The following NAB1 variants were observed in gnomAD, a reference collection of about 807,000 sequenced individuals.
The protein encoded by NAB1 is NGFI-A binding protein 1, also known as NGFI-A-binding protein 1.
NAB1 carries 25 observed loss-of-function variants against 49.9 expected under a neutral mutation model. The observed-to-expected ratio is 0.50, with a 90% CI of 0.37 to 0.70. The LOEUF is 0.70. Among genes scored for constraint, NAB1 ranks in the 30% least tolerant of loss-of-function variants. The pLI is 0.00. For synonymous variants in NAB1, 198 were observed against 215.6 expected, an observed-to-expected ratio of 0.92 and a Z score of 0.71; for missense variants, 489 against 575.9, an observed-to-expected ratio of 0.85 and a Z score of 1.54.
At chr2:190,658,282 G>A (rs1048050879) in intron 3 of NAB1, among the ~76,000 whole-genome samples, 1 of 152,100 alleles carries the variant, frequency 6.6e-6, no homozygotes, top group Non-Finnish European at 1.5e-5. Flanking sequence ...TGCATGCAGG[G>A]CCATTCTACA....
chr2:190,690,175 TA>T, intron 9 of NAB1, 69 bp from the exon 10 acceptor site: 1 of 1,118,566 alleles, frequency 8.9e-7, no homozygotes. Context: ...GGGTTTGTTT[TA>T]AAACTTTGTT....
At chr2:190,653,959 A>G (rs1319793642) in intron 2 of NAB1, among the ~76,000 whole-genome samples, 1 of 152,222 alleles carries the variant, frequency 6.6e-6, no homozygotes, top group Non-Finnish European at 1.5e-5. Context: ...TAGGTAAAGT[A>G]ACAGGATGCC....
At chr2:190,655,570 G>A (rs771804579) in intron 2 of NAB1, among the ~76,000 whole-genome samples, 4 of 152,216 alleles carry the variant, frequency 2.6e-5, no homozygotes, top group Non-Finnish European at 5.9e-5. Flanking sequence ...ATTAATGAGA[G>A]AGAGGCCCAG....
rs1694957880 is a variant in NAB1, at chr2:190,674,140, A to G, written c.1005+988A>G. Among the ~76,000 whole-genome samples the G allele has an allele frequency of 6.6e-6, 1 of 152,104 alleles. No individual in the cohort carries two copies. The highest frequency in any genetic ancestry group is 6.6e-5 in the Admixed American group (1 of 15,260). ...AAAACATAAATCCCTTTCTTGCTTA[A>G]CTCCTTTCAGTGGCTTTCTACTGTA... On this transcript the variant is annotated intron_variant, in intron 6 of 9. Transcript: ENST00000337386. The surrounding 1 kb of genome is among the most constrained non-coding windows in gnomAD (Gnocchi z 5.7).
rs1465709682 is a variant in NAB1, at chr2:190,679,167, G to A, written c.1006-4571G>A. Among the ~76,000 whole-genome samples, 1 of 152,228 alleles carries A rather than the reference G, an allele frequency of 6.6e-6. No individual in the cohort carries two copies. The highest frequency in any genetic ancestry group is 2.4e-5 in the African/African-American group (1 of 41,446). On this transcript the variant is annotated intron_variant, in intron 6 of 9. Transcript: ENST00000337386. The surrounding 1 kb of genome is among the most constrained non-coding windows in gnomAD (Gnocchi z 5.3). Reference sequence around the variant, plus strand: ...GCTGGTGCCTGGGAAACAAGCTTACGAGACATAACGAAATTGTGCACCACA... The same window carrying A: ...GCTGGTGCCTGGGAAACAAGCTTACAAGACATAACGAAATTGTGCACCACA...
Position 190,669,634 on chromosome 2 carries a change from T to G in NAB1, c.820-692T>G, listed in dbSNP as rs1002521282. ...TTTCCTATATCTATTGACAAAATTA[T>G]GTGAAAAAATTTCTAGTTTGTTAAA... On this transcript the variant is annotated intron_variant, in intron 4 of 9. Coordinates refer to ENST00000337386, the MANE Select transcript of NAB1 (RefSeq NM_005966.4). The surrounding 1 kb of genome is among the most constrained non-coding windows in gnomAD (Gnocchi z 4.3). Among the ~76,000 whole-genome samples the G allele has an allele frequency of 1.3e-5, 2 of 152,216 alleles. No homozygotes were observed. The highest frequency in any genetic ancestry group is 6.5e-5 in the Admixed American group (1 of 15,276).
At position 190,675,856 on chromosome 2, in the gene NAB1, C is replaced by T. The variant is rs1360998166; in HGVS notation, c.1005+2704C>T. Reference sequence around the variant, plus strand: ...TTGCAGGTCATCAGTATCTCTTGAACGTGTGTGTGTCTTGTGTGTATGTAT... The same window carrying T: ...TTGCAGGTCATCAGTATCTCTTGAATGTGTGTGTGTCTTGTGTGTATGTAT... On this transcript the variant is annotated intron_variant, in intron 6 of 9. Transcript: ENST00000337386. This position sits in a 1 kb window ranked among gnomAD's most constrained non-coding sequence, Gnocchi z 5.2. 6.6e-6 allele frequency among the ~76,000 whole-genome samples: 1 copy of T among 152,062 alleles called. No homozygotes were observed. The highest frequency in any genetic ancestry group is 1.5e-5 in the Non-Finnish European group (1 of 68,010).
rs766935466 is a variant in NAB1, at chr2:190,680,147, G to C, written c.1006-3591G>C. Among the ~76,000 whole-genome samples the C allele has an allele frequency of 6.6e-6, 1 of 152,114 alleles. No homozygotes were observed. The highest frequency in any genetic ancestry group is 1.9e-4 in the East Asian group (1 of 5,182). ...TCACCACCCTGAACTCCCCTCCTCC[G>C]CGTACATTCTCCCCATCACATTCAC... On this transcript the variant is annotated intron_variant, in intron 6 of 9. Transcript: ENST00000337386. The surrounding 1 kb of genome is among the most constrained non-coding windows in gnomAD (Gnocchi z 5.2).
rs971380440 is a variant in NAB1 at position 190,667,656 on chromosome 2, C to G, written c.820-2670C>G. On this transcript the variant is annotated intron_variant, in intron 4 of 9. Coordinates refer to ENST00000337386, the MANE Select transcript of NAB1 (RefSeq NM_005966.4). This position sits in a 1 kb window ranked among gnomAD's most constrained non-coding sequence, Gnocchi z 4.4. Reference sequence around the variant, plus strand: ...GACCTGGGTTTATTATTATAACTTGCTGTCAGTGGCCAAATTAATTGTCTC... The same window carrying G: ...GACCTGGGTTTATTATTATAACTTGGTGTCAGTGGCCAAATTAATTGTCTC... 6.6e-6 allele frequency among the ~76,000 whole-genome samples: 1 copy of G among 152,056 alleles called. No individual in the cohort carries two copies. The highest frequency in any genetic ancestry group is 2.4e-5 in the African/African-American group (1 of 41,406).
chr2:190,687,115 TA>T, intron 8 of NAB1, 85 bp from the exon 9 acceptor site: 1 of 673,826 alleles, frequency 1.5e-6, no homozygotes, highest in Non-Finnish European at 2.3e-6. Flanking sequence ...ACTTTTTTCC[TA>T]AGGAGTGTTC....
rs1694760589 is a variant in NAB1, at chr2:190,670,719, A to G, written c.953+260A>G. Reference sequence around the variant, plus strand: ...TAGTGGTTTTAAACATTCTTCTCTCATACACACACTTTGGTTTTGAGTGTG... The same window carrying G: ...TAGTGGTTTTAAACATTCTTCTCTCGTACACACACTTTGGTTTTGAGTGTG... On this transcript the variant is annotated intron_variant, in intron 5 of 9. Transcript: ENST00000337386. The surrounding 1 kb of genome is among the most constrained non-coding windows in gnomAD (Gnocchi z 5.3). Among the ~76,000 whole-genome samples the G allele has an allele frequency of 6.6e-6, 1 of 152,206 alleles. No homozygotes were observed. The highest frequency in any genetic ancestry group is 1.5e-5 in the Non-Finnish European group (1 of 68,032).
intron 3 of NAB1, 97 bp downstream of exon 3, chr2:190,656,250 G>C (rs956418139): frequency 6.6e-6 from 1 of 152,234 alleles, no homozygotes; most frequent in African/African-American, 2.4e-5. Flanking sequence ...AGATTGGAGA[G>C]AGGCAGGTAG....
intron 2 of NAB1, among the ~76,000 whole-genome samples, chr2:190,655,582 G>GT (rs1258566305): frequency 6.6e-6 from 1 of 152,222 alleles, no homozygotes; most frequent in African/African-American, 2.4e-5. Flanking sequence ...GAGGCCCAGA[G>GT]TTTTGATAGA....
Position 190,686,096 on chromosome 2 carries a change from C to A in NAB1, c.1258+458C>A, listed in dbSNP as rs1393604647. 6.6e-6 allele frequency among the ~76,000 whole-genome samples: 1 copy of A among 152,208 alleles called. No individual in the cohort carries two copies. Among genetic ancestry groups the A allele is most frequent in the African/African-American group, 2.4e-5 (1 of 41,462 alleles). On this transcript the variant is annotated intron_variant, in intron 8 of 9. Transcript: ENST00000337386. The surrounding 1 kb of genome is among the most constrained non-coding windows in gnomAD (Gnocchi z 5.5). ...AGAGTACAGCTCAGGTTTAGAAAGC[C>A]ATGTGATTCGTGAGTGTTTTTACCA...
rs1695305916 is a variant in NAB1 at position 190,680,862 on chromosome 2, C to T, written c.1006-2876C>T. ...ACAGATATCAGTAACAAACATTTAT[C>T]AAGTAATTCCTATGGGCCAGGCACT... On this transcript the variant is annotated intron_variant, in intron 6 of 9. Coordinates refer to ENST00000337386, the MANE Select transcript of NAB1 (RefSeq NM_005966.4). The surrounding 1 kb of genome is among the most constrained non-coding windows in gnomAD (Gnocchi z 5.2). Among the ~76,000 whole-genome samples the T allele has an allele frequency of 6.6e-6, 1 of 152,176 alleles. No homozygotes were observed. Among genetic ancestry groups the T allele is most frequent in the Non-Finnish European group, 1.5e-5 (1 of 68,032 alleles).
chr2:190,671,549 T>A (rs1477717883), intron 5 of NAB1, among the ~76,000 whole-genome samples: 1 of 152,158 alleles, frequency 6.6e-6, no homozygotes, highest in Non-Finnish European at 1.5e-5. Flanking sequence ...TTTTCTTCAT[T>A]GTATTATACA....
intron 3 of NAB1, among the ~76,000 whole-genome samples, chr2:190,656,450 A>C (rs1693923524): frequency 6.6e-6 from 1 of 152,224 alleles, no homozygotes; most frequent in South Asian, 2.1e-4. Flanking sequence ...AAAGCTTAGG[A>C]GGAGAACTCC....
chr2:190,688,799 TCTTTC>T (rs1364573420), intron 9 of NAB1, among the ~76,000 whole-genome samples: 3 of 151,924 alleles, frequency 2.0e-5, no homozygotes, highest in Admixed American at 6.6e-5. Context: ...TTCCTTCCTT[TCTTTC>T]CTTTCTTTTC....
chr2:190,664,970 T>A (rs6726273), intron 4 of NAB1, among the ~76,000 whole-genome samples: 1 of 151,924 alleles, frequency 6.6e-6, no homozygotes, highest in Non-Finnish European at 1.5e-5. Context: ...CTGTACAGAT[T>A]TATCATCTGG....
Sources: allele counts gnomAD v4.1 joint callset (sites outside exome capture counted in the v4.1 genomes callset), GRCh38; gene constraint gnomAD v4.1.1; non-coding constraint Gnocchi (gnomAD v3.1); transcripts MANE v1.5; gene names NCBI Gene and HGNC (gene_info 2026-07-23, HGNC 2026-07-21).